The following SEPTIN9 variants were observed in gnomAD, a reference collection of about 807,000 sequenced individuals.
SEPTIN9 encodes septin 9.
Under a neutral mutation model 56.6 loss-of-function variants are expected in SEPTIN9, and 13 were observed. The ratio of observed to expected loss-of-function variants is 0.23; its 90% CI spans 0.15 to 0.37. The LOEUF (loss-of-function observed/expected upper bound fraction) is 0.37. Ranked by LOEUF, SEPTIN9 falls within the 10% of genes least tolerant of loss-of-function variation. SEPTIN9 has a pLI of 1.00. For missense variants in SEPTIN9, 650 were observed against 823.1 expected (o/e 0.79, Z 2.57); for synonymous variants, 332 against 334.1 (o/e 0.99, Z 0.07).
intron 7 of SEPTIN9, among the ~76,000 whole-genome samples, 167 bp from the exon 8 acceptor site, chr17:77,490,575 C>G (rs2039981595): frequency 6.6e-6 from 1 of 152,206 alleles, no homozygotes; most frequent in Non-Finnish European, 1.5e-5. Flanking sequence ...CTTCCTCTGC[C>G]CCACACTCAC....
At chr17:77,296,891 G>A (rs903852282) in intron 1 of SEPTIN9, among the ~76,000 whole-genome samples, 2 of 152,030 alleles carry the variant, frequency 1.3e-5, no homozygotes, top group Non-Finnish European at 2.9e-5. Context: ...TGGATAGATA[G>A]CTAGATAGAT....
At chr17:77,345,252 A>C (rs999880529) in intron 2 of SEPTIN9, among the ~76,000 whole-genome samples, 1 of 152,180 alleles carries the variant, frequency 6.6e-6, no homozygotes, top group African/African-American at 2.4e-5. Flanking sequence ...GTTACACAAC[A>C]GTGTGAATGT....
chr17:77,458,323 G>T (rs1483410325), intron 3 of SEPTIN9, among the ~76,000 whole-genome samples: 1 of 152,218 alleles, frequency 6.6e-6, no homozygotes. Context: ...CCACAGCCAG[G>T]ACTGTGATTT....
chr17:77,287,951 C>T (rs980559572), intron 1 of SEPTIN9: 3 of 1,050,752 alleles, frequency 2.9e-6, no homozygotes, highest in Non-Finnish European at 3.4e-6. Flanking sequence ...AGTCGCTGGT[C>T]ATCCTCAGAG....
rs1290108080 is a variant in SEPTIN9 at position 77,389,371 on chromosome 17, G to A, written c.77-12688G>A. On this transcript the variant is annotated intron_variant, in intron 2 of 11. Transcript: ENST00000427177. This position sits in a 1 kb window ranked among gnomAD's most constrained non-coding sequence, Gnocchi z 4.3. ...ATCACGTTTCTCTGTCTCCAGAATC[G>A]AGGACGGAGAGCTGCCAGAGAGGCC... is the stretch of plus-strand genomic sequence containing the variant. Among the ~76,000 whole-genome samples, 7 of 152,144 alleles carry A rather than the reference G, an allele frequency of 4.6e-5. No homozygotes were observed. Among genetic ancestry groups the A allele is most frequent in the African/African-American group, 1.4e-4 (6 of 41,444 alleles).
chr17:77,312,550 G>C (rs938198350), intron 2 of SEPTIN9, among the ~76,000 whole-genome samples: 1 of 152,108 alleles, frequency 6.6e-6, no homozygotes, highest in African/African-American at 2.4e-5. Flanking sequence ...GCTTGGCCTT[G>C]GTTATTTCTG....
intron 1 of SEPTIN9, among the ~76,000 whole-genome samples, chr17:77,292,650 T>C (rs6416853): frequency 0.97 from 148,180 of 152,212 alleles, 72,249 homozygotes; most frequent in South Asian, 1. Context: ...CCCGCCACCA[T>C]GCCTGGCCAA....
At position 77,487,180 on chromosome 17, in the gene SEPTIN9, G is replaced by A. The variant is rs2039829630; in HGVS notation, c.914-244G>A. Among the ~76,000 whole-genome samples, 2 of 152,246 alleles carry A rather than the reference G, an allele frequency of 1.3e-5. No individual in the cohort carries two copies. Among genetic ancestry groups the A allele is most frequent in the South Asian group, 4.1e-4 (2 of 4,836 alleles). ...CCCAGGCCCGGCTCACCTCTCAGGA[G>A]AGGACTGTGGCCTGGGTTGTGCTGG... On this transcript the variant is annotated intron_variant, in intron 4 of 11. Coordinates refer to ENST00000427177, the MANE Select transcript of SEPTIN9 (RefSeq NM_001113491.2). This position sits in a 1 kb window ranked among gnomAD's most constrained non-coding sequence, Gnocchi z 4.3.
At chr17:77,466,086 ACACACACACACACACACACACG>A (rs879887793) in intron 3 of SEPTIN9, among the ~76,000 whole-genome samples, 2,448 of 147,698 alleles carry the variant, frequency 0.017, 36 homozygotes, top group South Asian at 0.041. Flanking sequence ...ACACACACAC[ACACACACACACACACACACACG>A]AGTAAACTGT....
chr17:77,388,729 G>C (rs2035425272), intron 2 of SEPTIN9, among the ~76,000 whole-genome samples: 1 of 151,198 alleles, frequency 6.6e-6, no homozygotes, highest in Non-Finnish European at 1.5e-5. Context: ...GCCATCGGCT[G>C]CCCGCCTTGG....
At position 77,306,257 on chromosome 17, in the gene SEPTIN9, C is replaced by T. The variant is rs1303692565; in HGVS notation, c.20-884C>T. On this transcript the variant is annotated intron_variant, in intron 1 of 11. Coordinates refer to ENST00000427177, the MANE Select transcript of SEPTIN9 (RefSeq NM_001113491.2). ...TGTCTGGGTCTGCCTGATCCCTTATCTCACTGTTGGTGGGACTGGGCTGGT... is the reference window on the plus strand; with the variant it reads ...TGTCTGGGTCTGCCTGATCCCTTATTTCACTGTTGGTGGGACTGGGCTGGT... Among the ~76,000 whole-genome samples, 3 of 152,186 alleles carry T rather than the reference C, an allele frequency of 2.0e-5. No individual in the cohort carries two copies. In the East Asian group the frequency reaches 5.8e-4, roughly 29 times the overall value.
rs770276694 is a variant in SEPTIN9, at chr17:77,402,528, C to T, written c.546C>T (p.Asp182=). The part of the protein sequence containing the change: ...VPEVPTAPAT[D]AAPKRVEIQM... ...AGGTGCCCACTGCCCCTGCCACCGA[C>T]GCAGCCCCCAAGAGGGTGGAGATCC... Residue 182 remains aspartate (D), a synonymous_variant, in exon 3 of 12, where the codon GAC becomes GAT. Transcript: ENST00000427177. The surrounding 1 kb of genome is among the most constrained non-coding windows in gnomAD (Gnocchi z 6.6). 22 of 1,606,134 alleles carry T rather than the reference C, an allele frequency of 1.4e-5. No individual in the cohort carries two copies. Among genetic ancestry groups the T allele is most frequent in the Admixed American group, 1.7e-5 (1 of 58,776 alleles).
intron 3 of SEPTIN9, among the ~76,000 whole-genome samples, chr17:77,468,698 C>A (rs533958839): frequency 1.3e-5 from 2 of 152,294 alleles, no homozygotes; most frequent in African/African-American, 4.8e-5. Context: ...TCTGGTATAT[C>A]CCAGGTGCAA....
intron 1 of SEPTIN9, chr17:77,281,782 G>C: frequency 2.0e-6 from 1 of 504,684 alleles, no homozygotes. Context: ...TGTCGGAGGG[G>C]CTGCCCTGGG....
chr17:77,353,730 G>A (rs2034132767), intron 2 of SEPTIN9, among the ~76,000 whole-genome samples: 1 of 152,184 alleles, frequency 6.6e-6, no homozygotes, highest in East Asian at 1.9e-4. Context: ...TGAGGACCAG[G>A]AGGCTTGCTG....
At chr17:77,454,011 T>C (rs2038085481) in intron 3 of SEPTIN9, 6 of 972,372 alleles carry the variant, frequency 6.2e-6, no homozygotes, top group Non-Finnish European at 7.3e-6. Flanking sequence ...GCCTTTCCCA[T>C]ACACCCCGGA....
Position 77,402,384 on chromosome 17 carries a change from G to A in SEPTIN9, c.402G>A (p.Arg134=). The A allele has an allele frequency of 1.2e-6, 2 of 1,611,852 alleles. No individual in the cohort carries two copies. Among genetic ancestry groups the A allele is most frequent in the South Asian group, 1.1e-5 (1 of 90,906 alleles). The change falls in exon 3 of 12, where the codon AGG becomes AGA. Residue 134 remains arginine, a synonymous_variant. Transcript: ENST00000427177. This position sits in a 1 kb window ranked among gnomAD's most constrained non-coding sequence, Gnocchi z 6.6. ...AIGPSRFGLK[R]AEVLGHKTPE... ...GCCCGTCCCGGTTCGGGCTCAAGAG[G>A]GCCGAGGTGTTGGGCCACAAGACGC... is the stretch of plus-strand genomic sequence containing the variant.
At position 77,451,699 on chromosome 17, in the gene SEPTIN9, G is replaced by T. The variant is rs117357608; in HGVS notation, c.722-30445G>T. On this transcript the variant is annotated intron_variant, in intron 3 of 11. Coordinates refer to ENST00000427177, the MANE Select transcript of SEPTIN9 (RefSeq NM_001113491.2). This position sits in a 1 kb window ranked among gnomAD's most constrained non-coding sequence, Gnocchi z 4.2. ...ACCGAGCGGGGTCCCCAGGAGAGGGGTGGCGGGGAGCTCGATCTCCACGCG... is the reference window on the plus strand; with the variant it reads ...ACCGAGCGGGGTCCCCAGGAGAGGGTTGGCGGGGAGCTCGATCTCCACGCG... Among the ~76,000 whole-genome samples the T allele has an allele frequency of 0.011, 1,741 of 152,072 alleles. 13 individuals are homozygous for T. Among genetic ancestry groups the T allele is most frequent in the Middle Eastern group, 0.024 (7 of 294 alleles).
chr17:77,306,034 TG>T (rs1476975541), intron 1 of SEPTIN9, among the ~76,000 whole-genome samples: 1 of 97,468 alleles, frequency 1.0e-5, no homozygotes, highest in Admixed American at 1.2e-4. Flanking sequence ...ATAGGTGGGT[TG>T]GGTGGATGGG....
Sources: allele counts gnomAD v4.1 joint callset (sites outside exome capture counted in the v4.1 genomes callset), GRCh38; gene constraint gnomAD v4.1.1; non-coding constraint Gnocchi (gnomAD v3.1); transcripts MANE v1.5; gene names NCBI Gene and HGNC (gene_info 2026-07-23, HGNC 2026-07-21).